Variants in AGBL4 observed in about 807,000 individuals in gnomAD.
AGBL4 encodes cytosolic carboxypeptidase 6.
A neutral mutation model predicts 66.4 loss-of-function variants in AGBL4; 58 were observed. The ratio of observed to expected loss-of-function variants is 0.87; its 90% CI spans 0.71 to 1.09. AGBL4 has a LOEUF of 1.09. Among genes scored for constraint, AGBL4 ranks in the 50% least tolerant of loss-of-function variants. The probability of loss-of-function intolerance (pLI) is 0.00; values close to 1 mark genes in which losing one functional copy is unlikely to be tolerated. For missense variants in AGBL4, 579 were observed against 631.0 expected, an observed-to-expected ratio of 0.92 and a Z score of 0.88; for synonymous variants, 234 against 222.9, an observed-to-expected ratio of 1.05 and a Z score of -0.44.
intron 3 of AGBL4, among the ~76,000 whole-genome samples, chr1:49,377,581 C>T (rs1644498343): frequency 6.6e-6 from 1 of 151,996 alleles, no homozygotes; most frequent in Non-Finnish European, 1.5e-5. Flanking sequence ...ATCCTACATG[C>T]AAGCTAGCAA....
At chr1:49,107,996 C>G (rs1255455348) in intron 4 of AGBL4, among the ~76,000 whole-genome samples, 1 of 152,120 alleles carries the variant, frequency 6.6e-6, no homozygotes, top group African/African-American at 2.4e-5. Context: ...CCTAAAAACC[C>G]ACTTCAGGTG....
Position 49,838,230 on chromosome 1 carries a change from C to G in AGBL4, c.157+13166G>C, listed in dbSNP as rs537524837. Among the ~76,000 whole-genome samples, 3 of 152,278 alleles carry G rather than the reference C, an allele frequency of 2.0e-5. No homozygotes were observed. The East Asian group carries it at 5.8e-4, about 29-fold the overall frequency. The stretch of plus-strand genomic sequence containing the variant: ...GCTATTGATATCCTGAGAGCTCCGG[C>G]TATCCAACAATGATGATATCACAAG... On this transcript the variant is annotated intron_variant, in intron 2 of 13. Transcript: ENST00000371839.
At chr1:49,115,256 T>C (rs1645493958) in intron 4 of AGBL4, among the ~76,000 whole-genome samples, 1 of 152,168 alleles carries the variant, frequency 6.6e-6, no homozygotes, top group African/African-American at 2.4e-5. Context: ...GATGGGAACT[T>C]GTTTAGGGTC....
chr1:49,538,997 A>T (rs1651809284), intron 3 of AGBL4, among the ~76,000 whole-genome samples: 2 of 152,186 alleles, frequency 1.3e-5, no homozygotes, highest in South Asian at 4.1e-4. Context: ...ATGCTTCAGT[A>T]TACTATCATT....
intron 3 of AGBL4, among the ~76,000 whole-genome samples, chr1:49,282,757 G>A (rs983080173): frequency 6.6e-6 from 1 of 152,198 alleles, no homozygotes; most frequent in African/African-American, 2.4e-5. Context: ...AGAAAGGGGT[G>A]ACAGACGCAC....
At chr1:49,109,657 A>G (rs1645366375) in intron 4 of AGBL4, among the ~76,000 whole-genome samples, 1 of 152,172 alleles carries the variant, frequency 6.6e-6, no homozygotes. Flanking sequence ...GTTGTTGTGA[A>G]TAGTATTTTC....
chr1:49,180,640 C>T (rs1158841006), intron 4 of AGBL4, among the ~76,000 whole-genome samples: 1 of 152,150 alleles, frequency 6.6e-6, no homozygotes, highest in African/African-American at 2.4e-5. Flanking sequence ...ACAGAAGATA[C>T]TGATCCAGAA....
At chr1:49,372,910 C>T (rs375071967) in intron 3 of AGBL4, among the ~76,000 whole-genome samples, 1 of 151,930 alleles carries the variant, frequency 6.6e-6, no homozygotes, top group Non-Finnish European at 1.5e-5. Context: ...AGGCTCTCAC[C>T]ACCATGTCCA....
chr1:48,530,580 A>G (rs1190465757), downstream of AGBL4, among the ~76,000 whole-genome samples: 2 of 152,188 alleles, frequency 1.3e-5, no homozygotes, highest in Non-Finnish European at 2.9e-5. Context: ...TGGCTGCCGC[A>G]AAGCAAACAT....
At chr1:49,652,084 A>G (rs765502542) in intron 3 of AGBL4, among the ~76,000 whole-genome samples, 3 of 152,164 alleles carry the variant, frequency 2.0e-5, no homozygotes, top group African/African-American at 4.8e-5. Flanking sequence ...TAGACCAAGC[A>G]TAAGGAAGAA....
At chr1:49,679,176 A>T (rs2211454) in intron 3 of AGBL4, among the ~76,000 whole-genome samples, 146,724 of 152,270 alleles carry the variant, frequency 0.96, 70,727 homozygotes, top group East Asian at 1. Context: ...TATTTCCTCA[A>T]TCAGTTTTAT....
intron 2 of AGBL4, among the ~76,000 whole-genome samples, chr1:49,755,213 A>G (rs1253768422): frequency 6.6e-6 from 1 of 152,222 alleles, no homozygotes; most frequent in Non-Finnish European, 1.5e-5. Flanking sequence ...CCAAGATAAC[A>G]GAAGAGTAGT....
At chr1:49,591,533 A>G (rs553932602) in intron 3 of AGBL4, among the ~76,000 whole-genome samples, 3 of 152,196 alleles carry the variant, frequency 2.0e-5, no homozygotes, top group Admixed American at 6.5e-5. Flanking sequence ...TATTAATTCA[A>G]TGCTATTCCT....
At position 49,141,110 on chromosome 1, in the gene AGBL4, T is replaced by C. The variant is rs531596794; in HGVS notation, c.378-95310A>G. On this transcript the variant is annotated intron_variant, in intron 4 of 13. Coordinates refer to ENST00000371839, the MANE Select transcript of AGBL4 (RefSeq NM_032785.4). The stretch of plus-strand genomic sequence containing the variant: ...TGGTACTAAAAAAAGAAGATATTAT[T>C]AATTTCACCCTACTTTGAGTTATAT... Among the ~76,000 whole-genome samples, 5 of 152,178 alleles carry C rather than the reference T, an allele frequency of 3.3e-5. No homozygotes were observed. The South Asian group carries it at 1.0e-3, about 32-fold the overall frequency.
chr1:49,930,532 T>C (rs1319951907), intron 1 of AGBL4, among the ~76,000 whole-genome samples: 1 of 152,046 alleles, frequency 6.6e-6, no homozygotes, highest in Non-Finnish European at 1.5e-5. Flanking sequence ...AAATTCTAAA[T>C]AAACTTTTCA....
Position 48,646,513 on chromosome 1 carries a change from A to ATGTGTGTGTGTGTGTG in AGBL4, c.839+6808_839+6823dup, listed in dbSNP as rs61233999. On this transcript the variant is annotated intron_variant, in intron 8 of 13. Coordinates refer to ENST00000371839, the MANE Select transcript of AGBL4 (RefSeq NM_032785.4). ...GGAAGAGGTAGGTAGACCAGTTATA[A>ATGTGTGTGTGTGTGTG]TGTGTGTGTGTGTGTGTGTGTGTGT... is the stretch of plus-strand genomic sequence containing the variant. 4.4e-3 allele frequency among the ~76,000 whole-genome samples: 583 copies of ATGTGTGTGTGTGTGTG among 131,518 alleles called. 10 individuals are homozygous for ATGTGTGTGTGTGTGTG. The highest frequency in any genetic ancestry group is 9.2e-3 in the South Asian group (32 of 3,468). 86.3% of individuals were successfully genotyped at this position (131,518 alleles called of 152,430 possible). A position where few individuals can be genotyped will look rare whatever the true frequency, so the allele number is the denominator to read the frequency against.
chr1:48,743,831 G>A (rs1322683006), intron 6 of AGBL4, among the ~76,000 whole-genome samples: 1 of 152,242 alleles, frequency 6.6e-6, no homozygotes, highest in African/African-American at 2.4e-5. Context: ...GTTGGTGGCA[G>A]TGAAGGTCCT....
intron 3 of AGBL4, among the ~76,000 whole-genome samples, chr1:49,287,369 T>G (rs1472219768): frequency 2.0e-5 from 3 of 148,382 alleles, no homozygotes; most frequent in Admixed American, 2.0e-4. Flanking sequence ...AAATGGGATC[T>G]AATTAAACTC....
At chr1:49,876,953 T>C (rs1433185047) in intron 1 of AGBL4, among the ~76,000 whole-genome samples, 21 of 151,026 alleles carry the variant, frequency 1.4e-4, no homozygotes. Context: ...TATTTGGCTC[T>C]CTGTTTGTCT....
Sources: allele counts gnomAD v4.1 joint callset (sites outside exome capture counted in the v4.1 genomes callset), GRCh38; gene constraint gnomAD v4.1.1; transcripts MANE v1.5; gene names NCBI Gene and HGNC (gene_info 2026-07-23, HGNC 2026-07-21).